The following GPC3 variants were observed in gnomAD, a reference collection of about 807,000 sequenced individuals.
GPC3 encodes glypican 3.
Under a neutral mutation model 34.4 loss-of-function variants are expected in GPC3, and 3 were observed. The ratio of observed to expected loss-of-function variants is 0.09; its 90% confidence interval spans 0.04 to 0.23. The LOEUF (loss-of-function observed/expected upper bound fraction) is 0.23, where lower values mean the gene tolerates loss of function less well. GPC3 is among the 10% of genes least tolerant of loss of function. The pLI, the probability that GPC3 is intolerant of heterozygous loss-of-function variation, is 1.00. For missense variants in GPC3, 351 were observed against 445.6 expected, an observed-to-expected ratio of 0.79 and a Z score of 1.91; for synonymous variants, 177 against 174.0, an observed-to-expected ratio of 1.02 and a Z score of -0.13.
chrX:133,812,874 C>T (rs1670722586), intron 2 of GPC3, among the ~76,000 whole-genome samples: 1 of 112,085 alleles, frequency 8.9e-6, no homozygotes, highest in Non-Finnish European at 1.9e-5. Context: ...AGTGCCCAGA[C>T]TCTCTGGGTC....
chrX:133,649,424 T>C (rs1029192592), intron 6 of GPC3, among the ~76,000 whole-genome samples: 1 of 111,402 alleles, frequency 9.0e-6, no homozygotes, highest in African/African-American at 3.3e-5. Flanking sequence ...AGCTCAGATC[T>C]GAGTTCCATC....
At chrX:133,807,741 A>G (rs780065103) in intron 2 of GPC3, among the ~76,000 whole-genome samples, 14 of 112,571 alleles carry the variant, frequency 1.2e-4, no homozygotes, top group African/African-American at 4.5e-4. Flanking sequence ...AGAGATGTAC[A>G]AATCTGCAAA....
chrX:133,635,440 A>G (rs1196542101), intron 6 of GPC3, among the ~76,000 whole-genome samples: 1 of 111,681 alleles, frequency 9.0e-6, no homozygotes, highest in Non-Finnish European at 1.9e-5. Flanking sequence ...AGGGAAGTCT[A>G]TTTTAGAAAT....
chrX:133,962,040 C>T (rs1055336935), intron 1 of GPC3, among the ~76,000 whole-genome samples: 1 of 112,021 alleles, frequency 8.9e-6, no homozygotes, highest in Admixed American at 9.5e-5. Flanking sequence ...TCAGGCACTG[C>T]CAAGGAACCT....
chrX:133,619,498 A>C (rs1300213792), intron 6 of GPC3, among the ~76,000 whole-genome samples: 2 of 112,284 alleles, frequency 1.8e-5, no homozygotes, highest in Non-Finnish European at 3.8e-5. Flanking sequence ...AATACTATTC[A>C]GCCATAAAAA....
chrX:133,623,612 T>G (rs775701410), intron 6 of GPC3, among the ~76,000 whole-genome samples: 2 of 111,950 alleles, frequency 1.8e-5, no homozygotes, highest in South Asian at 7.5e-4. Flanking sequence ...GAGCTAACTA[T>G]CCTAAATATA....
intron 2 of GPC3, among the ~76,000 whole-genome samples, chrX:133,873,145 A>G (rs1054471623): frequency 1.8e-5 from 2 of 112,412 alleles, no homozygotes; most frequent in African/African-American, 6.5e-5. Context: ...GGAACTGTAC[A>G]GGTAACAGAC....
chrX:133,814,889 T>C (rs1403708980), intron 2 of GPC3, among the ~76,000 whole-genome samples: 1 of 111,338 alleles, frequency 9.0e-6, no homozygotes, highest in Non-Finnish European at 1.9e-5. Context: ...CATTATATAT[T>C]GTAAATCCAA....
Position 133,682,689 on chromosome X carries a change from G to A in GPC3, c.1292+9680C>T, listed in dbSNP as rs761021918. ...AGGATTAAAATATCCATCTGGGGCC[G>A]GGCGCGGTGGCTCACGCCTGTAATC... On this transcript the variant is annotated intron_variant, in intron 5 of 7. Coordinates refer to ENST00000370818, the MANE Select transcript of GPC3 (RefSeq NM_004484.4). Among the ~76,000 whole-genome samples the A allele has an allele frequency of 2.6e-4, 29 of 111,657 alleles. No individual in the cohort carries two copies. In the South Asian group the frequency reaches 5.3e-3, roughly 20 times the overall value.
intron 6 of GPC3, among the ~76,000 whole-genome samples, chrX:133,643,766 G>A (rs1405065846): frequency 9.1e-6 from 1 of 110,437 alleles, no homozygotes; most frequent in African/African-American, 3.3e-5. Flanking sequence ...TCCATTGTAT[G>A]GAAACAGCAT....
At chrX:133,731,173 C>T (rs1451347329) in intron 3 of GPC3, among the ~76,000 whole-genome samples, 1 of 112,261 alleles carries the variant, frequency 8.9e-6, no homozygotes, top group Admixed American at 9.4e-5. Context: ...GAAGAACAGA[C>T]CATTAAGGGA....
At chrX:133,947,014 A>G (rs1335070514) in intron 2 of GPC3, among the ~76,000 whole-genome samples, 1 of 111,840 alleles carries the variant, frequency 8.9e-6, no homozygotes, top group Non-Finnish European at 1.9e-5. Flanking sequence ...GAGAATTCAA[A>G]TCTCTCAAAC....
intron 3 of GPC3, among the ~76,000 whole-genome samples, chrX:133,713,488 T>C (rs1449987978): frequency 1.8e-5 from 2 of 112,329 alleles, no homozygotes; most frequent in African/African-American, 3.2e-5. Flanking sequence ...TCTTTTTTGA[T>C]ATTATGTGTG....
chrX:133,768,148 G>T (rs1286160424), intron 2 of GPC3, among the ~76,000 whole-genome samples: 1 of 110,690 alleles, frequency 9.0e-6, no homozygotes, highest in African/African-American at 3.3e-5. Flanking sequence ...TTATTTGATT[G>T]CTGAGGAGTT....
chrX:133,955,850 G>A (rs1267322886), intron 1 of GPC3, among the ~76,000 whole-genome samples: 2 of 111,781 alleles, frequency 1.8e-5, no homozygotes, highest in Non-Finnish European at 3.8e-5. Flanking sequence ...TTCAATAATT[G>A]GATGTTTTAT....
At chrX:133,605,870 G>A (rs1363363188) in intron 6 of GPC3, among the ~76,000 whole-genome samples, 2 of 111,806 alleles carry the variant, frequency 1.8e-5, no homozygotes, top group African/African-American at 6.5e-5. Flanking sequence ...AAGAGTCTGT[G>A]TACCAAGGAT....
At chrX:133,886,843 A>G (rs1241523107) in intron 2 of GPC3, among the ~76,000 whole-genome samples, 1 of 112,738 alleles carries the variant, frequency 8.9e-6, no homozygotes, top group African/African-American at 3.2e-5. Context: ...AATCTATTAA[A>G]TCTGCTGATG....
chrX:133,677,580 T>TTTTG (rs1365590229), intron 5 of GPC3, among the ~76,000 whole-genome samples: 1 of 111,829 alleles, frequency 8.9e-6, no homozygotes, highest in Non-Finnish European at 1.9e-5. Context: ...GGCAAAGGTT[T>TTTTG]TTTGTTTGTT....
At chrX:133,868,681 G>T (rs1419609606) in intron 2 of GPC3, among the ~76,000 whole-genome samples, 1 of 112,018 alleles carries the variant, frequency 8.9e-6, no homozygotes, top group East Asian at 2.8e-4. Flanking sequence ...AAAAGGATAA[G>T]ACCTCATGAT....
Sources: gnomAD v4.1 joint callset for allele counts (sites outside exome capture counted in the v4.1 genomes callset) on GRCh38, gnomAD v4.1.1 for gene constraint, MANE v1.5 for transcripts, NCBI Gene and HGNC (gene_info 2026-07-23, HGNC 2026-07-21) for gene names.